ANO4: variants seen among roughly 807,000 people sequenced by gnomAD.
ANO4 encodes the protein anoctamin-4.
ANO4 carries 69 observed loss-of-function variants against 141.9 expected under a neutral mutation model. The ratio of observed to expected loss-of-function variants is 0.49; its 90% CI spans 0.40 to 0.59. The LOEUF is 0.59. Ranked by LOEUF, ANO4 falls within the 20% of genes least tolerant of loss-of-function variation. The pLI is 0.00. For synonymous variants in ANO4, 350 were observed against 394.3 expected (o/e 0.89, Z 1.33); for missense variants, 894 against 1,162.2 (o/e 0.77, Z 3.36).
chr12:100,747,487 G>T (rs2032165038), intron 3 of ANO4, among the ~76,000 whole-genome samples: 1 of 152,166 alleles, frequency 6.6e-6, no homozygotes, highest in East Asian at 1.9e-4. Flanking sequence ...CCATAAGCAG[G>T]AATCATTGAG....
chr12:101,054,964 G>C (rs950077857), intron 14 of ANO4, among the ~76,000 whole-genome samples: 1 of 152,158 alleles, frequency 6.6e-6, no homozygotes, highest in African/African-American at 2.4e-5. Context: ...TAATGCTGTT[G>C]AGATTCATTT....
At position 101,002,968 on chromosome 12, in the gene ANO4, G is replaced by A. The variant is rs142332864; in HGVS notation, c.734+15298G>A. Among the ~76,000 whole-genome samples the A allele has an allele frequency of 1.1e-4, 17 of 152,162 alleles. No homozygotes were observed. The East Asian group carries it at 1.9e-3, about 17-fold the overall frequency. ...ATTCCTCCTCTGCCCTAGCCTATAC[G>A]GTTTTTCTTTCCTCTTCCTATGTTG... On this transcript the variant is annotated intron_variant, in intron 8 of 27. Coordinates refer to ENST00000392977, the MANE Select transcript of ANO4 (RefSeq NM_001286615.2).
At chr12:100,825,921 C>T (rs552790017) in intron 1 of ANO4, among the ~76,000 whole-genome samples, 5 of 152,020 alleles carry the variant, frequency 3.3e-5, no homozygotes, top group South Asian at 2.1e-4. Context: ...TTTTAAATAA[C>T]AAGTTTAAAT....
At chr12:100,910,983 G>T (rs915475136) in intron 2 of ANO4, among the ~76,000 whole-genome samples, 2 of 151,954 alleles carry the variant, frequency 1.3e-5, no homozygotes, top group Admixed American at 1.3e-4. Flanking sequence ...GGACATAATT[G>T]ATTTTCCAGG....
intron 8 of ANO4, among the ~76,000 whole-genome samples, chr12:101,013,227 G>A (rs894731477): frequency 2.6e-5 from 4 of 152,144 alleles, no homozygotes; most frequent in Non-Finnish European, 5.9e-5. Context: ...GACATCAAGC[G>A]AGATGTCAAA....
At chr12:100,730,479 A>G (rs2031336039) in intron 1 of ANO4, among the ~76,000 whole-genome samples, 1 of 152,224 alleles carries the variant, frequency 6.6e-6, no homozygotes, top group Admixed American at 6.5e-5. Flanking sequence ...CTTTGATCAC[A>G]GCAACCTCTC....
At chr12:100,872,523 A>T (rs2039084044) in intron 1 of ANO4, among the ~76,000 whole-genome samples, 1 of 152,214 alleles carries the variant, frequency 6.6e-6, no homozygotes, top group South Asian at 2.1e-4. Context: ...TATGGGATTA[A>T]CATACGTTTT....
At chr12:100,928,368 G>A (rs148046291) in intron 3 of ANO4, among the ~76,000 whole-genome samples, 1,918 of 152,226 alleles carry the variant, frequency 0.013, 44 homozygotes, top group African/African-American at 0.044. Context: ...AGTCAGGGGT[G>A]TATAAGTGTT....
intron 3 of ANO4, among the ~76,000 whole-genome samples, chr12:100,788,790 G>A (rs1400572816): frequency 1.3e-5 from 2 of 151,966 alleles, no homozygotes; most frequent in African/African-American, 2.4e-5. Flanking sequence ...TGAGTGGAGC[G>A]TACATGATAG....
At chr12:100,723,768 T>A (rs1478411164) in intron 1 of ANO4, among the ~76,000 whole-genome samples, 1 of 152,126 alleles carries the variant, frequency 6.6e-6, no homozygotes, top group Non-Finnish European at 1.5e-5. Flanking sequence ...CTAAACCCAA[T>A]TATGTCCCAA....
chr12:100,926,725 G>A (rs966586613), intron 3 of ANO4, among the ~76,000 whole-genome samples: 1 of 151,908 alleles, frequency 6.6e-6, no homozygotes, highest in African/African-American at 2.4e-5. Context: ...GAACTCCTTT[G>A]TTTCAGCAGA....
At chr12:100,965,475 A>G (rs1328580889) in intron 5 of ANO4, among the ~76,000 whole-genome samples, 1 of 152,120 alleles carries the variant, frequency 6.6e-6, no homozygotes. Flanking sequence ...GAAACAAGTG[A>G]TCCCTGCCTG....
intron 8 of ANO4, among the ~76,000 whole-genome samples, chr12:101,003,717 A>G (rs569358083): frequency 9.3e-4 from 142 of 152,260 alleles, no homozygotes; most frequent in Non-Finnish European, 1.7e-3. Context: ...GATCTATTGT[A>G]TAGTAGGATG....
At chr12:101,122,845 T>C (rs1294492884) in intron 26 of ANO4, among the ~76,000 whole-genome samples, 1 of 152,226 alleles carries the variant, frequency 6.6e-6, no homozygotes, top group Non-Finnish European at 1.5e-5. Context: ...TATTTCTGGT[T>C]GTGTATCATC....
At chr12:100,896,464 G>A (rs1476129348) in intron 1 of ANO4, among the ~76,000 whole-genome samples, 1 of 152,190 alleles carries the variant, frequency 6.6e-6, no homozygotes, top group Non-Finnish European at 1.5e-5. Context: ...CTACCTTTCT[G>A]GAGTCTTGAT....
chr12:100,894,976 AAAAAAG>A (rs2040279980), intron 1 of ANO4, among the ~76,000 whole-genome samples: 1 of 150,976 alleles, frequency 6.6e-6, no homozygotes, highest in Admixed American at 6.6e-5. Context: ...AAAAAAAAAA[AAAAAAG>A]AAAAAGAAAA....
chr12:100,741,271 A>T (rs1168205867), intron 3 of ANO4, among the ~76,000 whole-genome samples: 1 of 151,614 alleles, frequency 6.6e-6, no homozygotes, highest in Non-Finnish European at 1.5e-5. Flanking sequence ...GAATGTTGGG[A>T]TACCACGACA....
At chr12:100,942,575 T>C in intron 5 of ANO4, 40 bp downstream of exon 5, 1 of 1,584,562 alleles carries the variant, frequency 6.3e-7, no homozygotes, top group Non-Finnish European at 8.6e-7. Context: ...TATATACATA[T>C]CTATTCATAT....
chr12:101,089,768 G>C lies in ANO4; in HGVS notation c.1701+2944G>C, dbSNP rs2136917817. Reference sequence around the variant, plus strand: ...AAATGGGATCTAATTAAACTGAAGAGCTTCTGCACAGCAAAAGAAACTATC... The same window carrying C: ...AAATGGGATCTAATTAAACTGAAGACCTTCTGCACAGCAAAAGAAACTATC... On this transcript the variant is annotated intron_variant, in intron 17 of 27. Transcript: ENST00000392977. 2.0e-5 allele frequency among the ~76,000 whole-genome samples: 3 copies of C among 152,298 alleles called. No individual in the cohort carries two copies. The Middle Eastern group carries it at 0.01, about 518-fold the overall frequency.
Sources: gnomAD v4.1 joint callset for allele counts (sites outside exome capture counted in the v4.1 genomes callset) on GRCh38, gnomAD v4.1.1 for gene constraint, MANE v1.5 for transcripts, NCBI Gene and HGNC (gene_info 2026-07-23, HGNC 2026-07-21) for gene names.